ZNF454: variants seen among roughly 807,000 people sequenced by gnomAD.
ZNF454 encodes the protein zinc finger protein 454.
In ZNF454, 30 loss-of-function variants were observed where a neutral mutation model predicts 48.2. The ratio of observed to expected loss-of-function variants is 0.62; its 90% confidence interval spans 0.47 to 0.84. The LOEUF is 0.84. Among genes scored for constraint, ZNF454 ranks in the 40% least tolerant of loss-of-function variants. The pLI, the probability that ZNF454 is intolerant of heterozygous loss-of-function variation, is 0.00. For synonymous variants in ZNF454, 204 were observed against 211.4 expected (o/e 0.97, Z 0.30); for missense variants, 510 against 623.1 (o/e 0.82, Z 1.93).
At position 178,965,604 on chromosome 5, in the gene ZNF454, A is replaced by T; in HGVS notation, c.1200A>T (p.Ala400=). 2 of 1,613,830 alleles carry T rather than the reference A, an allele frequency of 1.2e-6. No homozygotes were observed. Among genetic ancestry groups the T allele is most frequent in the Non-Finnish European group, 1.7e-6 (2 of 1,179,964 alleles). ...GKAFRDNSSF[A]RHRKIHTGEK... ...CTTTCAGGGATAATTCATCCTTTGC[A>T]CGACATCGGAAAATTCACACTGGAG... Residue 400 remains alanine, a synonymous_variant, in exon 5 of 5, where the codon GCA becomes GCT. Coordinates refer to ENST00000519564, the MANE Select transcript of ZNF454 (RefSeq NM_001178089.3). This position sits in a 1 kb window ranked among gnomAD's most constrained non-coding sequence, Gnocchi z 5.2.
At chr5:178,977,351 T>C in the ZNF454 span, 2 of 452,990 alleles carry the variant, frequency 4.4e-6, no homozygotes, top group Non-Finnish European at 8.9e-6. Context: ...CTTCCCACCA[T>C]ATGAGGACAC....
intron 1 of ZNF454, 176 bp from the exon 2 acceptor site, chr5:178,942,509 T>G: frequency 2.6e-6 from 1 of 386,880 alleles, no homozygotes; most frequent in African/African-American, 2.1e-5. Context: ...TGGAGCAGGC[T>G]TTCTGCAGGG....
the ZNF454 span, among the ~76,000 whole-genome samples, chr5:178,983,964 C>T: frequency 6.6e-6 from 1 of 152,206 alleles, no homozygotes; most frequent in African/African-American, 2.4e-5. Context: ...ATGCCAGTGC[C>T]ATGCCGAGCA....
rs769799427 is a variant in ZNF454, at chr5:178,946,408, G to A, written c.83G>A (p.Trp28Ter). 1 of 1,612,898 alleles carries A rather than the reference G, an allele frequency of 6.2e-7. No individual in the cohort carries two copies. Among genetic ancestry groups the A allele is most frequent in the East Asian group, 2.2e-5 (1 of 44,846 alleles). Residue 28 changes from tryptophan (W) to a stop codon, truncating the protein, a stop_gained, in exon 3 of 5, where the codon TGG becomes TAG. Coordinates refer to ENST00000519564, the MANE Select transcript of ZNF454 (RefSeq NM_001178089.3). LOFTEE classifies it high-confidence loss of function. This position sits in a 1 kb window ranked among gnomAD's most constrained non-coding sequence, Gnocchi z 4.5. ...GCTATACTGTTCACCCAGGAAGAGT[G>A]GGGGCAGCTGAGCCCCGCCCAGAGG... ...DVAILFTQEE[W>*]GQLSPAQRAL...
rs1201275094 is a variant in ZNF454, at chr5:178,964,720, G to A, written c.316G>A (p.Asp106Asn). The change falls in exon 5 of 5, where the codon GAT becomes AAT. Residue 106 changes from aspartate to asparagine, a missense_variant. Coordinates refer to ENST00000519564, the MANE Select transcript of ZNF454 (RefSeq NM_001178089.3). ...GGCAGAGATTCCTGAAGAAGAATTG[G>A]ATCAATGGACAATAAAGGAAAGATT... is the stretch of plus-strand genomic sequence containing the variant. The part of the protein sequence containing the change: ...VKAEIPEEEL[D>N]QWTIKERFSS... The A allele has an allele frequency of 6.2e-7, 1 of 1,614,196 alleles. No homozygotes were observed. Among genetic ancestry groups the A allele is most frequent in the Non-Finnish European group, 8.5e-7 (1 of 1,180,042 alleles).
intron 4 of ZNF454, among the ~76,000 whole-genome samples, chr5:178,959,449 T>C (rs1759908322): frequency 6.6e-6 from 1 of 152,226 alleles, no homozygotes; most frequent in Non-Finnish European, 1.5e-5. Flanking sequence ...CTGACGTAAA[T>C]TCTCCAGTTT....
downstream of ZNF454, among the ~76,000 whole-genome samples, chr5:178,971,250 A>G (rs1346757248): frequency 6.6e-6 from 1 of 152,248 alleles, no homozygotes; most frequent in East Asian, 1.9e-4. Flanking sequence ...CTGAGTGTTC[A>G]GGAGGCAGAA....
the ZNF454 span, chr5:178,989,054 G>T: frequency 6.2e-7 from 1 of 1,614,028 alleles, no homozygotes; most frequent in East Asian, 2.2e-5. Context: ...GAGGGCGTGG[G>T]CAATGGCGTA....
chr5:178,972,666 C>T, the ZNF454 span, among the ~76,000 whole-genome samples: 6 of 152,192 alleles, frequency 3.9e-5, no homozygotes, highest in East Asian at 1.9e-4. Context: ...CCAGGCCCGA[C>T]GCAGCTGAGG....
the ZNF454 span, chr5:178,977,457 T>A: frequency 2.2e-6 from 1 of 455,872 alleles, no homozygotes; most frequent in African/African-American, 2.0e-5. Context: ...CTATGAGAAA[T>A]GTCTGTTTTT....
rs768060291 is a variant in ZNF454, at chr5:178,942,748, T to C, written c.-44T>C. 1.2e-6 allele frequency: 2 copies of C among 1,612,964 alleles called. No individual in the cohort carries two copies. The highest frequency in any genetic ancestry group is 1.1e-5 in the South Asian group (1 of 91,018). ...GTGTGAAGCTCCACACCTGCCTCCA[T>C]AGCACTTTGCCTGTCCCTAAGAGGG... On this transcript the variant is annotated 5_prime_UTR_variant, in exon 2 of 5. Transcript: ENST00000519564.
chr5:178,986,393 G>C, the ZNF454 span: 3 of 1,613,908 alleles, frequency 1.9e-6, no homozygotes, highest in East Asian at 2.2e-5. Context: ...CTGAGCTCTC[G>C]GCCCGAGGCC....
At chr5:178,962,818 A>G (rs913097392) in intron 4 of ZNF454, among the ~76,000 whole-genome samples, 1 of 151,716 alleles carries the variant, frequency 6.6e-6, no homozygotes, top group African/African-American at 2.4e-5. Flanking sequence ...AGAAGATTTA[A>G]CTTCCCTGGT....
chr5:178,986,361 G>C, the ZNF454 span: 7 of 1,614,140 alleles, frequency 4.3e-6, no homozygotes, highest in African/African-American at 1.3e-5. Context: ...AGATGAGGAA[G>C]ATGCCGGTGA....
intron 4 of ZNF454, among the ~76,000 whole-genome samples, chr5:178,949,134 C>T (rs1305881004): frequency 6.6e-6 from 1 of 152,100 alleles, no homozygotes; most frequent in Non-Finnish European, 1.5e-5. Flanking sequence ...ACTGCAACCT[C>T]CGTTCTCCCG....
Position 178,946,352 on chromosome 5 carries a change from GT to G in ZNF454, c.34-5del. ...CCTGGTCAAGGAGAATGAATTTGCT[GT>G]TGCAGGAATCGGTGACCTTCAAGGA... On this transcript the variant is annotated splice_region_variant and splice_polypyrimidine_tract_variant and intron_variant, in intron 2 of 4. Transcript: ENST00000519564. The surrounding 1 kb of genome is among the most constrained non-coding windows in gnomAD (Gnocchi z 4.5). 2 of 1,610,794 alleles carry G rather than the reference GT, an allele frequency of 1.2e-6. No individual in the cohort carries two copies. The highest frequency in any genetic ancestry group is 8.5e-7 in the Non-Finnish European group (1 of 1,178,826).
chr5:178,977,954 C>G, the ZNF454 span, among the ~76,000 whole-genome samples: 4,543 of 152,296 alleles, frequency 0.03, 96 homozygotes, highest in Middle Eastern at 0.13. Context: ...TCCAACTGGT[C>G]AGTTTCTTCT....
chr5:178,962,579 A>G (rs1178046688), intron 4 of ZNF454, among the ~76,000 whole-genome samples: 1 of 151,652 alleles, frequency 6.6e-6, no homozygotes, highest in African/African-American at 2.4e-5. Context: ...CCATTTGATT[A>G]TTTGGTTCCA....
At chr5:178,945,046 A>T in intron 2 of ZNF454, among the ~76,000 whole-genome samples, 1 of 97,396 alleles carries the variant, frequency 1.0e-5, no homozygotes, top group South Asian at 3.5e-4. Context: ...GTGTGTGTTG[A>T]GGGTGTGTGT....
Sources: gnomAD v4.1 joint callset for allele counts (sites outside exome capture counted in the v4.1 genomes callset) on GRCh38, gnomAD v4.1.1 for gene constraint, Gnocchi (gnomAD v3.1) non-coding constraint, MANE v1.5 for transcripts, NCBI Gene and HGNC (gene_info 2026-07-23, HGNC 2026-07-21) for gene names.